Variants in TRPC4AP observed in about 807,000 individuals in gnomAD.
The protein encoded by TRPC4AP is short transient receptor potential channel 4-associated protein.
A neutral mutation model predicts 99.0 loss-of-function variants in TRPC4AP; 45 were observed. That is an observed-to-expected ratio of 0.45 (90% CI 0.36 to 0.58). TRPC4AP has a LOEUF of 0.58. TRPC4AP is among the 20% of genes least tolerant of loss of function. TRPC4AP has a pLI of 0.00. For missense variants in TRPC4AP, 879 were observed against 985.3 expected (o/e 0.89, Z 1.44); for synonymous variants, 408 against 385.8 (o/e 1.06, Z -0.67).
chr20:35,030,740 C>A (rs931964330), intron 8 of TRPC4AP, among the ~76,000 whole-genome samples: 1 of 152,152 alleles, frequency 6.6e-6, no homozygotes, highest in East Asian at 1.9e-4. Flanking sequence ...AAATATGTTT[C>A]CATATGTTAT....
intron 10 of TRPC4AP, among the ~76,000 whole-genome samples, chr20:35,015,119 C>A (rs1312576658): frequency 6.6e-6 from 1 of 151,854 alleles, no homozygotes; most frequent in East Asian, 1.9e-4. Context: ...CCCACCTCAG[C>A]CTCCTGAGTA....
rs894046029 is a variant in TRPC4AP, at chr20:35,006,687, G to T, written c.1687-112C>A. ...AGCAAGCATCCTGGGGATGGAACTGGCAACACTGTCTAGATTCTTGTCTGA... is the reference window on the plus strand; with the variant it reads ...AGCAAGCATCCTGGGGATGGAACTGTCAACACTGTCTAGATTCTTGTCTGA... On this transcript the variant is annotated intron_variant, in intron 14 of 18. Transcript: ENST00000252015. 10 of 1,377,556 alleles carry T rather than the reference G, an allele frequency of 7.3e-6. No homozygotes were observed. In the African/African-American group the frequency reaches 1.1e-4, roughly 16 times the overall value. The allele number at this position is 1,377,556 out of a possible 1,614,324, so 85.3% of individuals were successfully genotyped here. A position where few individuals can be genotyped will look rare whatever the true frequency, so the allele number is the denominator to read the frequency against.
chr20:35,072,515 C>T (rs549468248), intron 2 of TRPC4AP, among the ~76,000 whole-genome samples: 1 of 152,252 alleles, frequency 6.6e-6, no homozygotes, highest in African/African-American at 2.4e-5. Context: ...GCCAGTTTTC[C>T]CAGCACTATT....
chr20:35,014,433 C>T (rs947169121), intron 10 of TRPC4AP, among the ~76,000 whole-genome samples: 3 of 149,478 alleles, frequency 2.0e-5, no homozygotes, highest in African/African-American at 4.9e-5. Flanking sequence ...TTCTGGTGGC[C>T]GCTCCACAGA....
chr20:35,077,068 G>A (rs942644893), intron 2 of TRPC4AP, among the ~76,000 whole-genome samples: 2 of 152,184 alleles, frequency 1.3e-5, no homozygotes, highest in South Asian at 2.1e-4. Context: ...CAAGCCAGGC[G>A]CAGGATATAA....
chr20:35,069,827 G>A (rs1393540975), intron 2 of TRPC4AP, among the ~76,000 whole-genome samples: 1 of 152,112 alleles, frequency 6.6e-6, no homozygotes, highest in Non-Finnish European at 1.5e-5. Flanking sequence ...TGTAATCCCA[G>A]CTACTCAGGA....
At chr20:35,085,294 T>A (rs1375619723) in intron 1 of TRPC4AP, among the ~76,000 whole-genome samples, 1 of 152,210 alleles carries the variant, frequency 6.6e-6, no homozygotes, top group Non-Finnish European at 1.5e-5. Flanking sequence ...TACATTGTCT[T>A]ACAAGGCATG....
chr20:35,090,899 A>G (rs1165216298), intron 1 of TRPC4AP, among the ~76,000 whole-genome samples: 1 of 151,094 alleles, frequency 6.6e-6, no homozygotes, highest in East Asian at 1.9e-4. Flanking sequence ...ATAACTCAAA[A>G]GCTTGAGGAT....
intron 8 of TRPC4AP, 80 bp from the exon 9 acceptor site, chr20:35,021,436 G>A: frequency 6.7e-7 from 1 of 1,494,058 alleles, no homozygotes; most frequent in Non-Finnish European, 9.0e-7. Flanking sequence ...GCTCTGAACA[G>A]ACTTGTAGCA....
chr20:35,021,150 A>T, intron 9 of TRPC4AP, 40 bp downstream of exon 9: 4 of 1,594,934 alleles, frequency 2.5e-6, no homozygotes, highest in Non-Finnish European at 2.6e-6. Flanking sequence ...CCCGGGCAGC[A>T]CCTGCTCCCC....
chr20:35,049,504 T>C (rs910944671), intron 6 of TRPC4AP, among the ~76,000 whole-genome samples: 1 of 152,040 alleles, frequency 6.6e-6, no homozygotes, highest in Admixed American at 6.6e-5. Flanking sequence ...GGTAAGAGAA[T>C]GGAGTCACTG....
At position 35,092,615 on chromosome 20, in the gene TRPC4AP, T is replaced by C. The variant is rs953055745; in HGVS notation, c.167A>G (p.Gln56Arg). Residue 56 changes from glutamine to arginine, a missense_variant and splice_region_variant, in exon 1 of 19, where the codon CAG (glutamine) becomes CGG (arginine). Gln to Arg is a conservative substitution (Grantham distance 43, BLOSUM62 1). This residue lies in a region of TRPC4AP where 603 missense variants were observed against 631.8 expected (regional missense o/e 0.95). Transcript: ENST00000252015. ...GCCCCTCCTGGTCCAGCCTCGTACC[T>C]GCACCGCCCGGACCAGGCCCCGGCC... ...LTGRGLVRAVQFTETFLTERD... is the reference protein window; with the variant it reads ...LTGRGLVRAVRFTETFLTERD... The C allele has an allele frequency of 9.0e-6, 11 of 1,218,194 alleles. No homozygotes were observed. Among genetic ancestry groups the C allele is most frequent in the African/African-American group, 1.7e-5 (1 of 59,668 alleles). 75.5% of individuals were successfully genotyped at this position (1,218,194 alleles called of 1,614,324 possible).
chr20:35,010,698 C>A (rs1023806522), intron 11 of TRPC4AP, among the ~76,000 whole-genome samples: 2 of 152,200 alleles, frequency 1.3e-5, no homozygotes, highest in African/African-American at 4.8e-5. Flanking sequence ...GCCTGGTTAA[C>A]TGTGACACTT....
chr20:35,026,747 A>G (rs1044618492), intron 8 of TRPC4AP, among the ~76,000 whole-genome samples: 4 of 152,152 alleles, frequency 2.6e-5, no homozygotes, highest in Admixed American at 6.5e-5. Flanking sequence ...ATTTCTTTCA[A>G]TGATGTTTTA....
chr20:35,007,415 G>A (rs1406646419), intron 14 of TRPC4AP, 135 bp downstream of exon 14: 3 of 907,644 alleles, frequency 3.3e-6, no homozygotes, highest in East Asian at 5.3e-5. Flanking sequence ...AAAATCTAAG[G>A]CAGCCTGCAC....
intron 7 of TRPC4AP, among the ~76,000 whole-genome samples, chr20:35,040,583 T>C (rs1366773831): frequency 6.6e-6 from 1 of 152,168 alleles, no homozygotes; most frequent in Admixed American, 6.6e-5. Flanking sequence ...GTTCTCCAGC[T>C]TGCAGACGGC....
intron 1 of TRPC4AP, among the ~76,000 whole-genome samples, chr20:35,091,106 C>T (rs1486178838): frequency 6.6e-6 from 1 of 151,114 alleles, no homozygotes; most frequent in Non-Finnish European, 1.5e-5. Flanking sequence ...CTCCCAGGCT[C>T]AGGTAATCCT....
intron 10 of TRPC4AP, 110 bp from the exon 11 acceptor site, chr20:35,013,176 AC>A: frequency 1.2e-5 from 11 of 933,572 alleles, no homozygotes; most frequent in Non-Finnish European, 1.9e-5. Flanking sequence ...GTCCTCATGT[AC>A]CATGAGGACT....
intron 4 of TRPC4AP, 94 bp downstream of exon 4, chr20:35,057,420 G>A (rs1325688208): frequency 9.2e-6 from 9 of 982,414 alleles, no homozygotes; most frequent in Non-Finnish European, 1.4e-5. Context: ...TTACTATTAA[G>A]AGTTAGGAAG....
Sources: allele counts gnomAD v4.1 joint callset (sites outside exome capture counted in the v4.1 genomes callset), GRCh38; gene constraint gnomAD v4.1.1; regional missense constraint gnomAD v4.1.1; transcripts MANE v1.5; gene names NCBI Gene and HGNC (gene_info 2026-07-23, HGNC 2026-07-21).